Variants in MIPEP observed in about 807,000 individuals in gnomAD.
MIPEP encodes mitochondrial intermediate peptidase.
MIPEP carries 79 observed loss-of-function variants against 90.3 expected under a neutral mutation model. The observed-to-expected ratio is 0.87, with a 90% CI of 0.73 to 1.05. The LOEUF is 1.05. MIPEP is among the 50% of genes least tolerant of loss of function. The probability of loss-of-function intolerance (pLI) is 0.00; values close to 1 mark genes in which losing one functional copy is unlikely to be tolerated. For missense variants in MIPEP, 940 were observed against 905.6 expected, an observed-to-expected ratio of 1.04 and a Z score of -0.49; for synonymous variants, 334 against 315.8, an observed-to-expected ratio of 1.06 and a Z score of -0.61.
chr13:23,747,651 C>T (rs189173778), intron 18 of MIPEP: 6 of 417,382 alleles, frequency 1.4e-5, no homozygotes, highest in African/African-American at 1.2e-4. Flanking sequence ...AAATATTTAG[C>T]CTGTAAAATA....
chr13:23,889,077 G>A (rs1871668861), intron 1 of MIPEP, 55 bp downstream of exon 1: 49 of 1,352,982 alleles, frequency 3.6e-5, no homozygotes, highest in Non-Finnish European at 4.6e-5. Context: ...TGGCCGCGCG[G>A]AGCAGGGGTC....
At chr13:23,827,131 G>A (rs1434319542) in intron 14 of MIPEP, among the ~76,000 whole-genome samples, 1 of 149,164 alleles carries the variant, frequency 6.7e-6, no homozygotes, top group Non-Finnish European at 1.5e-5. Context: ...ACGTTGGCGG[G>A]GAGTAGTGGC....
chr13:23,788,918 C>T (rs1307721104), intron 16 of MIPEP, among the ~76,000 whole-genome samples: 1 of 152,114 alleles, frequency 6.6e-6, no homozygotes, highest in East Asian at 1.9e-4. Flanking sequence ...TGGAGCAATC[C>T]TCCTACCTCA....
chr13:23,886,347 T>G lies in MIPEP; in HGVS notation c.349A>C (p.Arg117=). 2 of 1,563,454 alleles carry G rather than the reference T, an allele frequency of 1.3e-6. No individual in the cohort carries two copies. The highest frequency in any genetic ancestry group is 1.7e-6 in the Non-Finnish European group (2 of 1,154,802). The change falls in exon 2 of 19, where the codon AGA becomes CGA. Residue 117 remains arginine, a synonymous_variant. Coordinates refer to ENST00000382172, the MANE Select transcript of MIPEP (RefSeq NM_005932.4). ...IFDELSDSLC[R]VADLADFVKI... ...AAGCACCTTACCAAGTCGGCCACTC[T>G]GCATAAGGAATCCGAGAGCTCATCG...
rs71185094 is a variant in MIPEP at position 23,809,350 on chromosome 13, C to CTT, written c.1728+498_1728+499dup. The stretch of plus-strand genomic sequence containing the variant: ...TTCCCAACTGAAAACGGGAAATAGT[C>CTT]TTTTTTTTTTTTTGAGACAGAGTCT... On this transcript the variant is annotated intron_variant, in intron 15 of 18. Transcript: ENST00000382172. 1.1e-3 allele frequency among the ~76,000 whole-genome samples: 152 copies of CTT among 144,562 alleles called. 1 individual carries two copies. Among genetic ancestry groups the CTT allele is most frequent in the African/African-American group, 1.4e-3 (56 of 39,588 alleles). 94.8% of individuals were successfully genotyped at this position (144,562 alleles called of 152,430 possible). A position where few individuals can be genotyped will look rare whatever the true frequency, so the allele number is the denominator to read the frequency against.
At chr13:23,739,943 A>G (rs1262924970) in intron 18 of MIPEP, among the ~76,000 whole-genome samples, 4 of 152,248 alleles carry the variant, frequency 2.6e-5, no homozygotes, top group African/African-American at 9.6e-5. Flanking sequence ...ATAACTGTTC[A>G]TACAGCACCA....
chr13:23,745,892 TGAGCTCCAGCCTGGATGACA>T (rs966488127), intron 18 of MIPEP, among the ~76,000 whole-genome samples: 3 of 151,452 alleles, frequency 2.0e-5, no homozygotes, highest in African/African-American at 7.3e-5. Context: ...ATTGTGCCAC[TGAGCTCCAGCCTGGATGACA>T]GAGCAAGACT....
At chr13:23,888,324 C>G (rs1390571639) in intron 1 of MIPEP, among the ~76,000 whole-genome samples, 2 of 152,142 alleles carry the variant, frequency 1.3e-5, no homozygotes, top group Non-Finnish European at 2.9e-5. Context: ...AAGAATCACA[C>G]ACTTTAGCTC....
At chr13:23,825,490 A>T (rs1380295427) in intron 14 of MIPEP, among the ~76,000 whole-genome samples, 1 of 152,238 alleles carries the variant, frequency 6.6e-6, no homozygotes, top group South Asian at 2.1e-4. Context: ...TTCTACAATG[A>T]AAGCACTAGA....
intron 14 of MIPEP, among the ~76,000 whole-genome samples, chr13:23,816,624 G>A (rs573320426): frequency 4.6e-5 from 7 of 152,306 alleles, no homozygotes; most frequent in African/African-American, 1.7e-4. Flanking sequence ...CTGACAGACA[G>A]TGACTTTGAA....
rs1261216862 is a variant in MIPEP, at chr13:23,760,097, T to A, written c.1969A>T (p.Arg657Trp). 1 of 1,614,124 alleles carries A rather than the reference T, an allele frequency of 6.2e-7. No individual in the cohort carries two copies. ...KECFLQDPFN[R>W]AAGERYRREM... Reference sequence around the variant, plus strand: ...ACATTTTAGAACTTACCCCCTTACCTGTTGAAAGGATCCTGTAGAAAACAC... The same window carrying A: ...ACATTTTAGAACTTACCCCCTTACCAGTTGAAAGGATCCTGTAGAAAACAC... The change falls in exon 17 of 19, where the codon AGG (arginine) becomes TGG (tryptophan). Residue 657 changes from arginine to tryptophan, a missense_variant and splice_region_variant. By Grantham distance (101) the Arg-to-Trp change is moderately radical. Coordinates refer to ENST00000382172, the MANE Select transcript of MIPEP (RefSeq NM_005932.4).
At chr13:23,857,031 A>G (rs1413805223) in intron 10 of MIPEP, among the ~76,000 whole-genome samples, 2 of 151,990 alleles carry the variant, frequency 1.3e-5, no homozygotes, top group Non-Finnish European at 2.9e-5. Context: ...AATTTACATT[A>G]CTCTCCAATG....
At chr13:23,730,503 G>T in intron 18 of MIPEP, 58 bp from the exon 19 acceptor site, 4 of 1,154,380 alleles carry the variant, frequency 3.5e-6, no homozygotes, top group Non-Finnish European at 5.2e-6. Flanking sequence ...GAAGCACAAA[G>T]ACACAAAATC....
At chr13:23,747,398 G>T in intron 18 of MIPEP, 1 of 350,942 alleles carries the variant, frequency 2.8e-6, no homozygotes, top group Non-Finnish European at 5.7e-6. Context: ...ATGGATAGCG[G>T]ACCCCCTTTC....
chr13:23,861,527 G>T (rs1258703541), intron 9 of MIPEP, among the ~76,000 whole-genome samples: 1 of 152,144 alleles, frequency 6.6e-6, no homozygotes, highest in Non-Finnish European at 1.5e-5. Context: ...TTTCCTAGTG[G>T]CTGTATCTGG....
rs183687722 is a variant in MIPEP at position 23,881,650 on chromosome 13, C to T, written c.452+49G>A. 361 of 1,478,740 alleles carry T rather than the reference C, an allele frequency of 2.4e-4. 2 individuals are homozygous for T. The African/African-American group carries it at 4.0e-3, about 16-fold the overall frequency. The allele number at this position is 1,478,740 out of a possible 1,614,324, so 91.6% of individuals were successfully genotyped here. ...TGCCTACGGCACAAGTCCATGAAAC[C>T]GGATCACCCAGGACTTGGCATGGAG... On this transcript the variant is annotated intron_variant, in intron 3 of 18. Coordinates refer to ENST00000382172, the MANE Select transcript of MIPEP (RefSeq NM_005932.4).
chr13:23,755,719 T>C (rs145253606), intron 18 of MIPEP, among the ~76,000 whole-genome samples: 1 of 152,236 alleles, frequency 6.6e-6, no homozygotes, highest in African/African-American at 2.4e-5. Flanking sequence ...ACAATTAAAT[T>C]TTCAGTAAAA....
intron 18 of MIPEP, among the ~76,000 whole-genome samples, chr13:23,738,983 TA>T (rs1565977553): frequency 6.6e-6 from 1 of 152,236 alleles, no homozygotes. Flanking sequence ...GGAAACCTGT[TA>T]AGCCTGAAAA....
intron 18 of MIPEP, among the ~76,000 whole-genome samples, chr13:23,748,495 AG>A (rs1952407314): frequency 6.6e-6 from 1 of 152,340 alleles, no homozygotes; most frequent in Admixed American, 6.5e-5. Flanking sequence ...GTAAGGGGGT[AG>A]AGAATGTCTG....
Sources: allele counts gnomAD v4.1 joint callset (sites outside exome capture counted in the v4.1 genomes callset), GRCh38; gene constraint gnomAD v4.1.1; transcripts MANE v1.5; gene names NCBI Gene and HGNC (gene_info 2026-07-23, HGNC 2026-07-21).